Variants in WWOX observed in about 807,000 individuals in gnomAD.
WWOX encodes the protein WW domain containing oxidoreductase, also known as WW domain-containing oxidoreductase.
Under a neutral mutation model 46.2 loss-of-function variants are expected in WWOX, and 69 were observed. The ratio of observed to expected loss-of-function variants is 1.49; its 90% CI spans 1.23 to 1.82. The LOEUF (loss-of-function observed/expected upper bound fraction) is 1.82, where lower values mean the gene tolerates loss of function less well. Among genes scored for constraint, WWOX ranks in the 40% most tolerant of loss-of-function variants. The pLI is 0.00. For synonymous variants in WWOX, 359 were observed against 202.6 expected (o/e 1.77, Z -6.56); for missense variants, 919 against 542.6 (o/e 1.69, Z -6.89).
rs183827715 is a variant in WWOX, at chr16:78,818,518, G to A, written c.1056+385766G>A. On this transcript the variant is annotated intron_variant, in intron 8 of 8. Transcript: ENST00000566780. ...GGCCACGGCAAGAGGATCACTTGAA[G>A]CCAGGAGTTTGAGATCAGTCTGGCC... Among the ~76,000 whole-genome samples, 210 of 152,334 alleles carry A rather than the reference G, an allele frequency of 1.4e-3. 1 individual carries two copies. Among genetic ancestry groups the A allele is most frequent in the African/African-American group, 4.9e-3 (203 of 41,586 alleles).
chr16:78,116,039 ATATT>A (rs1567579823), intron 4 of WWOX, among the ~76,000 whole-genome samples: 2 of 151,924 alleles, frequency 1.3e-5, no homozygotes, highest in Non-Finnish European at 2.9e-5. Context: ...AAAGGTGTCT[ATATT>A]TATGGGGTTC....
chr16:78,345,458 C>CAAAAAAAA lies in WWOX; in HGVS notation c.517-41373_517-41366dup, dbSNP rs71137889. Among the ~76,000 whole-genome samples, 14 of 26,776 alleles carry CAAAAAAAA rather than the reference C, an allele frequency of 5.2e-4. 3 individuals carry two copies. Among genetic ancestry groups the CAAAAAAAA allele is most frequent in the African/African-American group, 7.6e-4 (9 of 11,860 alleles). 17.6% of individuals were successfully genotyped at this position (26,776 alleles called of 152,430 possible). ...CACCATGGCAAAACCCCATCGCTACCAAAAAAAAAAAAAAAAAAAAAAAAA... is the reference window on the plus strand; with the variant it reads ...CACCATGGCAAAACCCCATCGCTACCAAAAAAAAAAAAAAAAAAAAAAAAAAAAAAAAA... On this transcript the variant is annotated intron_variant, in intron 5 of 8. Transcript: ENST00000566780.
At chr16:78,641,871 C>T (rs879198865) in intron 8 of WWOX, among the ~76,000 whole-genome samples, 1 of 152,154 alleles carries the variant, frequency 6.6e-6, no homozygotes, top group African/African-American at 2.4e-5. Flanking sequence ...TAACGGGGAG[C>T]CGAAATTATT....
At chr16:79,013,366 A>G (rs2047350749) in intron 8 of WWOX, among the ~76,000 whole-genome samples, 1 of 152,046 alleles carries the variant, frequency 6.6e-6, no homozygotes, top group Non-Finnish European at 1.5e-5. Context: ...ACCCCAGGAG[A>G]ACTGCCCCGA....
chr16:78,817,173 T>TTTTC (rs2051354849), intron 8 of WWOX, among the ~76,000 whole-genome samples: 2 of 32,926 alleles, frequency 6.1e-5, no homozygotes, highest in South Asian at 2.0e-3. Flanking sequence ...AGTGCTATTC[T>TTTTC]TTTTTTTTTT....
intron 3 of WWOX, chr16:78,111,937 G>C (rs1227056534): frequency 6.4e-6 from 1 of 155,780 alleles, no homozygotes; most frequent in Non-Finnish European, 1.4e-5. Context: ...TCACTTAGAA[G>C]ATTCACCCTC....
At chr16:78,518,171 G>C (rs1011063629) in intron 8 of WWOX, among the ~76,000 whole-genome samples, 6 of 152,092 alleles carry the variant, frequency 3.9e-5, no homozygotes, top group African/African-American at 1.2e-4. Flanking sequence ...TGCTTTTTAA[G>C]TTGGGGCTTA....
intron 8 of WWOX, among the ~76,000 whole-genome samples, chr16:78,783,911 A>G (rs1244620283): frequency 6.6e-6 from 1 of 151,108 alleles, no homozygotes; most frequent in African/African-American, 2.4e-5. Context: ...GACGATGGTG[A>G]TGATGATGTC....
chr16:79,193,645 A>G (rs1469899286), intron 8 of WWOX, among the ~76,000 whole-genome samples: 2 of 152,190 alleles, frequency 1.3e-5, no homozygotes, highest in African/African-American at 4.8e-5. Context: ...ACCCTCGCAC[A>G]TCTTTTCTTA....
At chr16:78,593,564 C>T (rs1354181718) in intron 8 of WWOX, among the ~76,000 whole-genome samples, 1 of 152,156 alleles carries the variant, frequency 6.6e-6, no homozygotes, top group Non-Finnish European at 1.5e-5. Flanking sequence ...GGGGAATGAG[C>T]ATATATCAAA....
intron 8 of WWOX, among the ~76,000 whole-genome samples, chr16:78,585,208 G>A (rs888754117): frequency 1.3e-5 from 2 of 152,202 alleles, no homozygotes; most frequent in Non-Finnish European, 2.9e-5. Context: ...AGCTTAAATG[G>A]TGTGGCCCAT....
intron 8 of WWOX, among the ~76,000 whole-genome samples, chr16:79,029,202 A>G (rs903485366): frequency 6.6e-6 from 1 of 152,162 alleles, no homozygotes; most frequent in Non-Finnish European, 1.5e-5. Flanking sequence ...ACAGATGCAC[A>G]GGAGACCTTT....
intron 8 of WWOX, among the ~76,000 whole-genome samples, chr16:78,764,493 G>A (rs1449565807): frequency 1.4e-5 from 2 of 147,862 alleles, no homozygotes; most frequent in Non-Finnish European, 3.0e-5. Flanking sequence ...ATCCAAACCA[G>A]TTACCTGTTT....
At chr16:78,488,954 G>A (rs779431211) in intron 8 of WWOX, among the ~76,000 whole-genome samples, 1 of 152,178 alleles carries the variant, frequency 6.6e-6, no homozygotes, top group Non-Finnish European at 1.5e-5. Flanking sequence ...ATGGCACTAG[G>A]CTGCCTTGTT....
At chr16:78,117,751 T>C (rs16947127) in intron 4 of WWOX, among the ~76,000 whole-genome samples, 21,190 of 152,200 alleles carry the variant, frequency 0.14, 1,741 homozygotes, top group East Asian at 0.24. Context: ...TGGGCATCTT[T>C]ACTTCCAAGA....
intron 8 of WWOX, among the ~76,000 whole-genome samples, chr16:78,664,741 C>CT (rs2047291412): frequency 6.6e-6 from 1 of 152,150 alleles, no homozygotes; most frequent in South Asian, 2.1e-4. Flanking sequence ...AATTAGGCTC[C>CT]TTGAGGCTCA....
intron 8 of WWOX, among the ~76,000 whole-genome samples, chr16:78,714,124 C>T (rs188502296): frequency 1.2e-3 from 183 of 152,270 alleles, no homozygotes; most frequent in Middle Eastern, 3.4e-3. Context: ...GTCCGTCTCA[C>T]GTTACAGTGC....
At chr16:78,882,578 G>A (rs1284393713) in intron 8 of WWOX, among the ~76,000 whole-genome samples, 1 of 151,284 alleles carries the variant, frequency 6.6e-6, no homozygotes, top group Non-Finnish European at 1.5e-5. Flanking sequence ...CCAGGTTCAA[G>A]TGATCCTCTC....
At chr16:79,149,288 T>C (rs2150729432) in intron 8 of WWOX, among the ~76,000 whole-genome samples, 1 of 152,368 alleles carries the variant, frequency 6.6e-6, no homozygotes, top group Middle Eastern at 3.4e-3. Flanking sequence ...TATGCCAATC[T>C]ATATGATCAT....
Sources: gnomAD v4.1 joint callset for allele counts (sites outside exome capture counted in the v4.1 genomes callset) on GRCh38, gnomAD v4.1.1 for gene constraint, MANE v1.5 for transcripts, NCBI Gene and HGNC (gene_info 2026-07-23, HGNC 2026-07-21) for gene names.